AR: variants seen among roughly 807,000 people sequenced by gnomAD.
AR encodes dihydrotestosterone receptor.
AR carries 8 observed loss-of-function variants against 53.9 expected under a neutral mutation model. The ratio of observed to expected loss-of-function variants is 0.15; its 90% CI spans 0.09 to 0.27. The LOEUF (loss-of-function observed/expected upper bound fraction) is 0.27. Ranked by LOEUF, AR falls within the 10% of genes least tolerant of loss-of-function variation. The probability of loss-of-function intolerance (pLI) is 1.00; values close to 1 mark genes in which losing one functional copy is unlikely to be tolerated. For missense variants in AR, 639 were observed against 742.5 expected (o/e 0.86, Z 1.62); for synonymous variants, 359 against 316.4 (o/e 1.13, Z -1.43).
rs1929714646 is a variant in AR, at chrX:67,546,087, G to A, written c.941G>A (p.Gly314Glu). ...ACTGCTGAGTATTCCCCTTTCAAGG[G>A]AGGTTACACCAAAGGGCTAGAAGGC... The part of the protein sequence containing the change: ...EDTAEYSPFK[G>E]GYTKGLEGES... The change falls in exon 1 of 8, where the codon GGA (glycine) becomes GAA (glutamate). Residue 314 changes from glycine to glutamate, a missense_variant. By Grantham distance (98) the Gly-to-Glu change is moderately conservative (BLOSUM62 -2). Coordinates refer to ENST00000374690, the MANE Select transcript of AR (RefSeq NM_000044.6). The A allele has an allele frequency of 8.2e-7, 1 of 1,212,368 alleles. No individual in the cohort carries two copies. The highest frequency in any genetic ancestry group is 1.8e-5 in the South Asian group (1 of 57,030).
intron 2 of AR, among the ~76,000 whole-genome samples, chrX:67,668,366 GATTGACTT>G (rs1359801230): frequency 8.9e-6 from 1 of 112,062 alleles, no homozygotes; most frequent in Non-Finnish European, 1.9e-5. Flanking sequence ...GTATCACACT[GATTGACTT>G]GTGTATTTAG....
intron 1 of AR, among the ~76,000 whole-genome samples, chrX:67,550,129 G>A (rs1929938147): frequency 1.8e-5 from 2 of 111,758 alleles, no homozygotes; most frequent in South Asian, 3.7e-4. Flanking sequence ...CACCCCATTC[G>A]GAAGTATACA....
chrX:67,622,032 G>A (rs1200236563), intron 1 of AR, among the ~76,000 whole-genome samples: 1 of 111,950 alleles, frequency 8.9e-6, no homozygotes, highest in East Asian at 2.8e-4. Context: ...AGTAATAGTT[G>A]TGGGGATTAA....
intron 1 of AR, among the ~76,000 whole-genome samples, chrX:67,572,127 G>A (rs758822344): frequency 2.3e-4 from 26 of 111,392 alleles, no homozygotes; most frequent in Non-Finnish European, 4.2e-4. Context: ...AGGACAATAG[G>A]GTGGATTTTT....
chrX:67,607,840 C>G (rs781655999), intron 1 of AR, among the ~76,000 whole-genome samples: 116 of 111,702 alleles, frequency 1.0e-3, no homozygotes, highest in Middle Eastern at 4.7e-3. Flanking sequence ...AAAAAATTCT[C>G]TGTATTGGCT....
chrX:67,660,707 G>C (rs1926855454), intron 2 of AR, among the ~76,000 whole-genome samples: 3 of 111,174 alleles, frequency 2.7e-5, no homozygotes, highest in Non-Finnish European at 3.8e-5. Flanking sequence ...GCTCTTTTTT[G>C]GTTCCATATG....
intron 2 of AR, among the ~76,000 whole-genome samples, chrX:67,644,145 G>A (rs1391218359): frequency 8.9e-6 from 1 of 111,869 alleles, no homozygotes. Context: ...CTCTAGAGGC[G>A]CTCAGCCCAC....
chrX:67,672,080 G>A (rs1319038593), intron 2 of AR, among the ~76,000 whole-genome samples: 1 of 111,130 alleles, frequency 9.0e-6, no homozygotes, highest in Non-Finnish European at 1.9e-5. Flanking sequence ...TATTCAGTAT[G>A]ACCAATATGT....
At chrX:67,614,148 G>T (rs544769167) in intron 1 of AR, among the ~76,000 whole-genome samples, 2 of 111,814 alleles carry the variant, frequency 1.8e-5, no homozygotes, top group East Asian at 5.7e-4. Context: ...GGCAGTGCTG[G>T]GAAATAAATG....
chrX:67,658,367 G>A (rs1362178817), intron 2 of AR, among the ~76,000 whole-genome samples: 2 of 112,328 alleles, frequency 1.8e-5, no homozygotes, highest in Non-Finnish European at 3.8e-5. Context: ...GGAAGGGATA[G>A]TAGAGAGAAA....
chrX:67,653,333 A>G (rs1191190702), intron 2 of AR, among the ~76,000 whole-genome samples: 4 of 112,043 alleles, frequency 3.6e-5, no homozygotes, highest in South Asian at 7.5e-4. Flanking sequence ...AACATAAAAG[A>G]GTGAGATTAC....
intron 1 of AR, among the ~76,000 whole-genome samples, chrX:67,606,355 T>C (rs1251120218): frequency 2.7e-5 from 3 of 112,094 alleles, no homozygotes; most frequent in Non-Finnish European, 5.6e-5. Context: ...TGTATATTTC[T>C]GTGAGGTACA....
chrX:67,623,944 C>G (rs1316218527), intron 1 of AR, among the ~76,000 whole-genome samples: 1 of 110,989 alleles, frequency 9.0e-6, no homozygotes, highest in Non-Finnish European at 1.9e-5. Context: ...ACTCACAGTT[C>G]CACAGTCTGT....
At chrX:67,668,006 C>T (rs1323926068) in intron 2 of AR, among the ~76,000 whole-genome samples, 1 of 111,633 alleles carries the variant, frequency 9.0e-6, no homozygotes, top group Admixed American at 9.5e-5. Context: ...ATATTATCTG[C>T]AAACAAGAAT....
intron 1 of AR, among the ~76,000 whole-genome samples, chrX:67,567,726 T>A (rs185408022): frequency 3.4e-4 from 38 of 112,114 alleles, no homozygotes; most frequent in African/African-American, 1.2e-3. Flanking sequence ...CAGTTCTGAG[T>A]CAGAGTTCCC....
Position 67,625,338 on chromosome X carries a change from C to T in AR, c.1617-17918C>T, listed in dbSNP as rs1924579024. Among the ~76,000 whole-genome samples, 3 of 111,161 alleles carry T rather than the reference C, an allele frequency of 2.7e-5. No individual in the cohort carries two copies. In the South Asian group the frequency reaches 1.1e-3, roughly 42 times the overall value. On this transcript the variant is annotated intron_variant, in intron 1 of 7. Coordinates refer to ENST00000374690, the MANE Select transcript of AR (RefSeq NM_000044.6). Reference sequence around the variant, plus strand: ...CAATATTGTCAAGATGGAAATACTCCCCAAAGATTGAAGGAAATCCCTATC... The same window carrying T: ...CAATATTGTCAAGATGGAAATACTCTCCAAAGATTGAAGGAAATCCCTATC...
intron 1 of AR, among the ~76,000 whole-genome samples, chrX:67,630,864 G>C (rs922330192): frequency 9.1e-6 from 1 of 110,175 alleles, no homozygotes; most frequent in Non-Finnish European, 1.9e-5. Context: ...GCATTTGCTT[G>C]TCTGTAAAGG....
chrX:67,660,740 T>A (rs1322301507), intron 2 of AR, among the ~76,000 whole-genome samples: 5 of 111,695 alleles, frequency 4.5e-5, no homozygotes, highest in South Asian at 3.8e-4. Flanking sequence ...GTTTTTTCCA[T>A]TTCTGTGAAG....
chrX:67,627,679 G>T (rs1411458780), intron 1 of AR, among the ~76,000 whole-genome samples: 1 of 111,793 alleles, frequency 8.9e-6, no homozygotes, highest in East Asian at 2.8e-4. Context: ...TTTTAGACAT[G>T]CTTTTGGTGT....
Sources: allele counts gnomAD v4.1 joint callset (sites outside exome capture counted in the v4.1 genomes callset), GRCh38; gene constraint gnomAD v4.1.1; transcripts MANE v1.5; gene names NCBI Gene and HGNC (gene_info 2026-07-23, HGNC 2026-07-21).